ALDH16A1: variants seen among roughly 807,000 people sequenced by gnomAD.
ALDH16A1 encodes aldehyde dehydrogenase family 16 member A1.
In ALDH16A1, 88 loss-of-function variants were observed where a neutral mutation model predicts 96.1. The observed-to-expected ratio is 0.92, with a 90% CI of 0.77 to 1.09. The LOEUF (loss-of-function observed/expected upper bound fraction) is 1.09. Ranked by LOEUF, ALDH16A1 falls within the 50% of genes least tolerant of loss-of-function variation. The pLI is 0.00. For synonymous variants in ALDH16A1, 522 were observed against 496.4 expected (o/e 1.05, Z -0.69); for missense variants, 1,250 against 1,112.6 (o/e 1.12, Z -1.76).
intron 16 of ALDH16A1, 92 bp from the exon 17 acceptor site, chr19:49,470,214 C>A: frequency 6.8e-7 from 1 of 1,479,666 alleles, no homozygotes. Context: ...CAGCCTGAAG[C>A]CCCTCGTCAG....
intron 7 of ALDH16A1, 136 bp from the exon 8 acceptor site, chr19:49,462,434 C>T (rs1019803609): frequency 1.1e-5 from 13 of 1,157,188 alleles, no homozygotes; most frequent in South Asian, 9.1e-5. Flanking sequence ...CGCATCCGGC[C>T]TCTCTGTTCT....
Position 49,461,990 on chromosome 19 carries a change from C to G in ALDH16A1, c.866C>G (p.Ser289Trp). ...CTGACGGACACGGCGGACGTAGACT[C>G]GGCCGTGGAGGGTGTCGTGGACGCC... ...LLLTDTADVDSAVEGVVDAAW... is the reference protein window; with the variant it reads ...LLLTDTADVDWAVEGVVDAAW... Residue 289 changes from serine (S) to tryptophan (W), a missense_variant, in exon 7 of 17, where the codon TCG becomes TGG. Physicochemically the swap from Ser to Trp is radical, Grantham distance 177. Transcript: ENST00000293350. 1.9e-6 allele frequency: 3 copies of G among 1,549,412 alleles called. No individual in the cohort carries two copies. Among genetic ancestry groups the G allele is most frequent in the Non-Finnish European group, 1.7e-6 (2 of 1,150,868 alleles).
chr19:49,462,279 C>T (rs1044076088), intron 7 of ALDH16A1, among the ~76,000 whole-genome samples: 10 of 151,850 alleles, frequency 6.6e-5, no homozygotes, highest in East Asian at 5.8e-4. Context: ...GGATTACAGG[C>T]GGGCACCACC....
Position 49,470,651 on chromosome 19 carries a change from T to TC in ALDH16A1, c.*184_*185insC. The TC allele has an allele frequency of 1.6e-5, 7 of 433,578 alleles. No individual in the cohort carries two copies. Among genetic ancestry groups the TC allele is most frequent in the South Asian group, 7.7e-5 (1 of 13,022 alleles). 26.9% of individuals were successfully genotyped at this position (433,578 alleles called of 1,614,324 possible). A position where few individuals can be genotyped will look rare whatever the true frequency, so the allele number is the denominator to read the frequency against. ...CTGGCAGATATGAGGCTTTTTTCTTTTTTTTTTTTTTTTTTGAGACAACGT... is the reference window on the plus strand; with the variant it reads ...CTGGCAGATATGAGGCTTTTTTCTTTCTTTTTTTTTTTTTTTGAGACAACGT... On this transcript the variant is annotated 3_prime_UTR_variant, in exon 17 of 17. Coordinates refer to ENST00000293350, the MANE Select transcript of ALDH16A1 (RefSeq NM_153329.4).
chr19:49,467,629 C>T (rs2079209926), intron 14 of ALDH16A1, among the ~76,000 whole-genome samples: 1 of 146,740 alleles, frequency 6.8e-6, no homozygotes, highest in Non-Finnish European at 1.5e-5. Context: ...CTCCTGACCT[C>T]GTGATCCGCC....
rs1601025037 is a variant in ALDH16A1 at position 49,461,147 on chromosome 19, G to A, written c.577+248G>A. Among the ~76,000 whole-genome samples the A allele has an allele frequency of 4.2e-5, 6 of 141,182 alleles. No individual in the cohort carries two copies. The East Asian group carries it at 8.4e-4, about 20-fold the overall frequency. 92.6% of individuals were successfully genotyped at this position (141,182 alleles called of 152,430 possible). Reference sequence around the variant, plus strand: ...TGAGTCTGAGGGAGGAGGGGCTGGAGTCTGGACTCCTGGGTCTGAGGGAGG... The same window carrying A: ...TGAGTCTGAGGGAGGAGGGGCTGGAATCTGGACTCCTGGGTCTGAGGGAGG... On this transcript the variant is annotated intron_variant, in intron 5 of 16. Transcript: ENST00000293350.
chr19:49,469,070 T>C, intron 16 of ALDH16A1, 84 bp downstream of exon 16: 1 of 1,513,592 alleles, frequency 6.6e-7, no homozygotes, highest in South Asian at 1.3e-5. Context: ...CCCCGCCCTC[T>C]TAGAACTCCT....
chr19:49,460,965 C>T, intron 5 of ALDH16A1, 66 bp downstream of exon 5: 1 of 1,523,466 alleles, frequency 6.6e-7, no homozygotes, highest in South Asian at 1.1e-5. Context: ...GGGGCCCAAA[C>T]TCCAGAGTCT....
chr19:49,457,944 G>A (rs1292506259), intron 1 of ALDH16A1, among the ~76,000 whole-genome samples: 12 of 152,040 alleles, frequency 7.9e-5, no homozygotes. Flanking sequence ...AATTAAAGAT[G>A]TTGACACATC....
At chr19:49,453,444 C>G in intron 1 of ALDH16A1, 23 bp downstream of exon 1, 1 of 1,511,898 alleles carries the variant, frequency 6.6e-7, no homozygotes, top group Non-Finnish European at 8.9e-7. Context: ...CCGGCCGGCG[C>G]TGCTCGCTGC....
At position 49,463,910 on chromosome 19, in the gene ALDH16A1, C is replaced by A. The variant is rs367565703; in HGVS notation, c.1155C>A (p.Val385=). The A allele has an allele frequency of 1.9e-6, 3 of 1,613,444 alleles. No homozygotes were observed. The highest frequency in any genetic ancestry group is 2.5e-6 in the Non-Finnish European group (3 of 1,179,600). ...GCCCATTCTATCCCCCAACCTTGGT[C>A]TCCAACCTGCCCCCAGCCTCCCCAT... is the stretch of plus-strand genomic sequence containing the variant. The part of the protein sequence containing the change: ...SERPFYPPTL[V]SNLPPASPCA... The change falls in exon 9 of 17, where the codon GTC becomes GTA. Residue 385 remains valine, a synonymous_variant. Coordinates refer to ENST00000293350, the MANE Select transcript of ALDH16A1 (RefSeq NM_153329.4).
intron 8 of ALDH16A1, 124 bp from the exon 9 acceptor site, chr19:49,463,730 C>T: frequency 1.4e-6 from 1 of 704,524 alleles, no homozygotes; most frequent in Admixed American, 2.7e-5. Context: ...ACTCCTGGGT[C>T]TGAGGGAGGA....
Position 49,453,405 on chromosome 19 carries a change from G to T in ALDH16A1, c.74G>T (p.Ser25Ile). 1 of 1,554,536 alleles carries T rather than the reference G, an allele frequency of 6.4e-7. No individual in the cohort carries two copies. Reference sequence around the variant, plus strand: ...CTGGAGTACGGACCGGTGCCGGAGAGCCACGCATGCGCACTGGTGAGAGTC... The same window carrying T: ...CTGGAGTACGGACCGGTGCCGGAGATCCACGCATGCGCACTGGTGAGAGTC... ...TSLEYGPVPE[S>I]HACALAWLDT... Residue 25 changes from serine to isoleucine, a missense_variant, in exon 1 of 17, where the codon AGC becomes ATC. Coordinates refer to ENST00000293350, the MANE Select transcript of ALDH16A1 (RefSeq NM_153329.4).
intron 7 of ALDH16A1, 48 bp downstream of exon 7, chr19:49,462,084 G>T (rs758696358): frequency 2.0e-6 from 3 of 1,490,714 alleles, no homozygotes; most frequent in Non-Finnish European, 2.7e-6. Flanking sequence ...GGCCGTTGGT[G>T]TCTGTCTCCA....
In ALDH16A1 at chr19:49,468,496, T is replaced by C; in HGVS notation, c.2054T>C (p.Leu685Pro). The C allele has an allele frequency of 1.2e-6, 2 of 1,603,716 alleles. No individual in the cohort carries two copies. Among genetic ancestry groups the C allele is most frequent in the Non-Finnish European group, 1.7e-6 (2 of 1,179,920 alleles). Residue 685 changes from leucine (L) to proline (P), a missense_variant, in exon 15 of 17, where the codon CTG (leucine) becomes CCG (proline). By Grantham distance (98) the Leu-to-Pro change is moderately conservative. Coordinates refer to ENST00000293350, the MANE Select transcript of ALDH16A1 (RefSeq NM_153329.4). The surrounding 1 kb of genome is among the most constrained non-coding windows in gnomAD (Gnocchi z 4.4). Reference sequence around the variant, plus strand: ...TTCGTGTCCCTGCTGGCTCCCGCCCTGGCCTACGGCAACACTGTGGTCATG... The same window carrying C: ...TTCGTGTCCCTGCTGGCTCCCGCCCCGGCCTACGGCAACACTGTGGTCATG... ...LAFVSLLAPA[L>P]AYGNTVVMVP...
At chr19:49,466,050 G>A in intron 13 of ALDH16A1, 32 bp from the exon 14 acceptor site, 1 of 1,539,570 alleles carries the variant, frequency 6.5e-7, no homozygotes, top group Non-Finnish European at 8.7e-7. Flanking sequence ...AGACCAGGAT[G>A]CCAACCCCCA....
Position 49,464,523 on chromosome 19 carries a change from G to A in ALDH16A1, c.1437+1G>A, listed in dbSNP as rs774666530. 11 of 1,613,702 alleles carry A rather than the reference G, an allele frequency of 6.8e-6. No individual in the cohort carries two copies. Among genetic ancestry groups the A allele is most frequent in the South Asian group, 6.6e-5 (6 of 91,084 alleles). On this transcript the variant is annotated splice_donor_variant, in intron 11 of 16. Coordinates refer to ENST00000293350, the MANE Select transcript of ALDH16A1 (RefSeq NM_153329.4). LOFTEE classifies it high-confidence loss of function. ...GTGTTCCTGGCACGGGGGCCCAGAC[G>A]TGAGTACATCCCCTCCCCGTCACCA... is the stretch of plus-strand genomic sequence containing the variant.
chr19:49,460,338 C>G lies in ALDH16A1; in HGVS notation c.500-484C>G, dbSNP rs535425551. Among the ~76,000 whole-genome samples, 16 of 151,856 alleles carry G rather than the reference C, an allele frequency of 1.1e-4. No homozygotes were observed. In the South Asian group the frequency reaches 2.9e-3, roughly 28 times the overall value. ...CACTGATACCTCGACCTCCTGGGCT[C>G]AAAATCCTCCCACCTCAGCCTCCCA... On this transcript the variant is annotated intron_variant, in intron 4 of 16. Transcript: ENST00000293350.
At position 49,466,386 on chromosome 19, in the gene ALDH16A1, G is replaced by A. The variant is rs185316617; in HGVS notation, c.1938+103G>A. 284 of 1,212,234 alleles carry A rather than the reference G, an allele frequency of 2.3e-4. No individual in the cohort carries two copies. In the African/African-American group the frequency reaches 3.2e-3, roughly 14 times the overall value. 75.1% of individuals were successfully genotyped at this position (1,212,234 alleles called of 1,614,324 possible). ...CTTGGAATTCGGGCCCAGCCCCACC[G>A]CCTTCCACGGCAGGATCATCAGCAA... On this transcript the variant is annotated intron_variant, in intron 14 of 16. Coordinates refer to ENST00000293350, the MANE Select transcript of ALDH16A1 (RefSeq NM_153329.4).
Sources: allele counts gnomAD v4.1 joint callset (sites outside exome capture counted in the v4.1 genomes callset), GRCh38; gene constraint gnomAD v4.1.1; non-coding constraint Gnocchi (gnomAD v3.1); transcripts MANE v1.5; gene names NCBI Gene and HGNC (gene_info 2026-07-23, HGNC 2026-07-21).